The following ASIC2 variants were observed in gnomAD, a reference collection of about 807,000 sequenced individuals.
The protein encoded by ASIC2 is acid-sensing ion channel 2.
Under a neutral mutation model 57.3 loss-of-function variants are expected in ASIC2, and 25 were observed. The ratio of observed to expected loss-of-function variants is 0.44; its 90% CI spans 0.32 to 0.61. The LOEUF (loss-of-function observed/expected upper bound fraction) is 0.61. ASIC2 is among the 20% of genes least tolerant of loss of function. ASIC2 has a pLI of 0.06. For missense variants in ASIC2, 641 were observed against 738.1 expected, an observed-to-expected ratio of 0.87 and a Z score of 1.52; for synonymous variants, 319 against 307.5, an observed-to-expected ratio of 1.04 and a Z score of -0.39.
At chr17:33,784,349 G>A (rs78439158) in intron 1 of ASIC2, among the ~76,000 whole-genome samples, 1,778 of 152,278 alleles carry the variant, frequency 0.012, 11 homozygotes, top group Non-Finnish European at 0.019. Context: ...CTTTAGAGGA[G>A]AAGCCTAGGA....
chr17:34,039,240 G>T, intron 1 of ASIC2: 1 of 1,613,926 alleles, frequency 6.2e-7, no homozygotes, highest in Non-Finnish European at 8.5e-7. Context: ...CTATTGTGAG[G>T]TCGGACTGGG....
intron 1 of ASIC2, among the ~76,000 whole-genome samples, chr17:34,147,792 C>G (rs1904351171): frequency 6.6e-6 from 1 of 152,176 alleles, no homozygotes; most frequent in Admixed American, 6.5e-5. Context: ...AAGCACACAG[C>G]AAATTTTCAG....
intron 1 of ASIC2, among the ~76,000 whole-genome samples, chr17:34,015,197 C>T (rs1348442907): frequency 6.6e-6 from 1 of 151,084 alleles, no homozygotes; most frequent in African/African-American, 2.4e-5. Context: ...GGACGAGCAA[C>T]TATGCCTAGC....
chr17:33,540,139 G>A (rs1474384834), intron 1 of ASIC2, among the ~76,000 whole-genome samples: 1 of 152,266 alleles, frequency 6.6e-6, no homozygotes, highest in East Asian at 1.9e-4. Context: ...CTCTGAGGGA[G>A]CATCTGTTCC....
chr17:33,761,932 T>A (rs928787096), intron 1 of ASIC2, among the ~76,000 whole-genome samples: 33 of 149,382 alleles, frequency 2.2e-4, no homozygotes, highest in African/African-American at 7.9e-4. Context: ...TTCCTAGGAG[T>A]CAGGGGGTAG....
chr17:34,091,782 A>G (rs1007102444), intron 1 of ASIC2, among the ~76,000 whole-genome samples: 2 of 152,254 alleles, frequency 1.3e-5, no homozygotes, highest in African/African-American at 4.8e-5. Context: ...GACTTCCAAG[A>G]GGCAGTTAAT....
At chr17:33,123,440 T>TA (rs1052694923) in intron 1 of ASIC2, among the ~76,000 whole-genome samples, 8 of 152,192 alleles carry the variant, frequency 5.3e-5, no homozygotes, top group Admixed American at 2.0e-4. Context: ...ATGTGGAATC[T>TA]AAAAAAATTG....
chr17:33,353,193 C>G (rs1908250282), intron 1 of ASIC2, among the ~76,000 whole-genome samples: 1 of 152,160 alleles, frequency 6.6e-6, no homozygotes, highest in Non-Finnish European at 1.5e-5. Context: ...TCCAGATCCA[C>G]CAAACTGTTA....
At chr17:33,766,519 T>C (rs1221558099) in intron 1 of ASIC2, among the ~76,000 whole-genome samples, 1 of 152,198 alleles carries the variant, frequency 6.6e-6, no homozygotes, top group Admixed American at 6.5e-5. Flanking sequence ...CCCTCAGACT[T>C]CTCAACCTCC....
At chr17:33,135,612 A>G (rs1417719948) in intron 1 of ASIC2, among the ~76,000 whole-genome samples, 4 of 152,184 alleles carry the variant, frequency 2.6e-5, no homozygotes, top group Non-Finnish European at 5.9e-5. Flanking sequence ...GCAAAGATGG[A>G]GCCAGGCAGG....
At chr17:33,167,095 G>A (rs1449473072) in intron 1 of ASIC2, among the ~76,000 whole-genome samples, 1 of 152,176 alleles carries the variant, frequency 6.6e-6, no homozygotes, top group East Asian at 1.9e-4. Context: ...CACACTGACT[G>A]ATCATATGTT....
chr17:33,021,824 G>T (rs577743918), intron 6 of ASIC2, among the ~76,000 whole-genome samples: 2 of 152,248 alleles, frequency 1.3e-5, no homozygotes, highest in Non-Finnish European at 2.9e-5. Flanking sequence ...AAGAAAGTTT[G>T]TAGGGAGCAA....
chr17:33,849,166 G>A (rs1357313569), intron 1 of ASIC2, among the ~76,000 whole-genome samples: 2 of 152,168 alleles, frequency 1.3e-5, no homozygotes, highest in East Asian at 1.9e-4. Context: ...AACATATCTA[G>A]TGCTCACTCT....
rs1234602778 is a variant in ASIC2, at chr17:34,156,642, GGCAA to G, written c.-114_-111del. 1.9e-5 allele frequency: 22 copies of G among 1,173,004 alleles called. No individual in the cohort carries two copies. Among genetic ancestry groups the G allele is most frequent in the Non-Finnish European group, 2.6e-5 (22 of 850,116 alleles). The allele number at this position is 1,173,004 out of a possible 1,614,324, so 72.7% of individuals were successfully genotyped here. On this transcript the variant is annotated 5_prime_UTR_variant, in exon 1 of 10. Coordinates refer to the ASIC2 transcript ENST00000359872. This position sits in a 1 kb window ranked among gnomAD's most constrained non-coding sequence, Gnocchi z 4.4. ...TTGACGTTCAGGGGAGAGAACGCAA[GGCAA>G]GCATCGCGCCAGATGCTGTGAGTTT...
chr17:33,777,667 A>G (rs1911326187), intron 1 of ASIC2, among the ~76,000 whole-genome samples: 1 of 152,186 alleles, frequency 6.6e-6, no homozygotes, highest in Non-Finnish European at 1.5e-5. Context: ...AACTGAAGGG[A>G]TGCTTCCTGG....
At chr17:33,373,468 C>G (rs1909161608) in intron 1 of ASIC2, among the ~76,000 whole-genome samples, 1 of 152,200 alleles carries the variant, frequency 6.6e-6, no homozygotes, top group South Asian at 2.1e-4. Flanking sequence ...CAGTATTCCC[C>G]TCCCTGTTTG....
rs1445264022 is a variant in ASIC2, at chr17:33,708,290, T to C, written c.555+447688A>G. Reference sequence around the variant, plus strand: ...TCTTGTTTTACCCACCCAGCAACCTTATGGGCATTTTATTTTGGCTTTCTT... The same window carrying C: ...TCTTGTTTTACCCACCCAGCAACCTCATGGGCATTTTATTTTGGCTTTCTT... On this transcript the variant is annotated intron_variant, in intron 1 of 9. Coordinates refer to the ASIC2 transcript ENST00000359872. 6.6e-5 allele frequency among the ~76,000 whole-genome samples: 10 copies of C among 152,372 alleles called. No individual in the cohort carries two copies. The East Asian group carries it at 1.9e-3, about 29-fold the overall frequency.
chr17:34,047,506 CAGAAAAAAAAAAA>C (rs1453246208), intron 1 of ASIC2, among the ~76,000 whole-genome samples: 113 of 68,328 alleles, frequency 1.7e-3, no homozygotes, highest in South Asian at 0.013. Context: ...CACCTTTCTC[CAGAAAAAAAAAAA>C]AAAAAAAAAA....
intron 1 of ASIC2, among the ~76,000 whole-genome samples, chr17:33,318,993 C>T (rs974118350): frequency 1.3e-5 from 2 of 152,186 alleles, no homozygotes; most frequent in Admixed American, 6.5e-5. Flanking sequence ...CCATTAAAAA[C>T]TATGCTCACG....
Sources: gnomAD v4.1 joint callset for allele counts (sites outside exome capture counted in the v4.1 genomes callset) on GRCh38, gnomAD v4.1.1 for gene constraint, Gnocchi (gnomAD v3.1) non-coding constraint, MANE v1.5 for transcripts, NCBI Gene and HGNC (gene_info 2026-07-23, HGNC 2026-07-21) for gene names.